The following SHISA8 variants were observed in gnomAD, a reference collection of about 807,000 sequenced individuals.
The protein encoded by SHISA8 is shisa family member 8.
A neutral mutation model predicts 21.1 loss-of-function variants in SHISA8; 21 were observed. The ratio of observed to expected loss-of-function variants is 0.99; its 90% confidence interval spans 0.71 to 1.43. The LOEUF (loss-of-function observed/expected upper bound fraction) is 1.43, where lower values mean the gene tolerates loss of function less well. Among genes scored for constraint, SHISA8 ranks in the 40% most tolerant of loss-of-function variants. The probability of loss-of-function intolerance (pLI) is 0.00; values close to 1 mark genes in which losing one functional copy is unlikely to be tolerated. For synonymous variants in SHISA8, 300 were observed against 291.4 expected, an observed-to-expected ratio of 1.03 and a Z score of -0.30; for missense variants, 535 against 599.1, an observed-to-expected ratio of 0.89 and a Z score of 1.12.
rs2077577248 is a variant in SHISA8 at position 41,914,813 on chromosome 22, C to G, written c.-146G>C. On this transcript the variant is annotated 5_prime_UTR_variant, in exon 1 of 4. Coordinates refer to ENST00000621082, the MANE Select transcript of SHISA8 (RefSeq NM_001207020.3). This position sits in a 1 kb window ranked among gnomAD's most constrained non-coding sequence, Gnocchi z 6.8. ...CGGCCTCCTCTGGGGACCCCAGCCC[C>G]GAGTGGGCTGGGTCTGGAGCTCCGA... 2 of 540,548 alleles carry G rather than the reference C, an allele frequency of 3.7e-6. No homozygotes were observed. The highest frequency in any genetic ancestry group is 8.0e-5 in the South Asian group (1 of 12,512). The allele number at this position is 540,548 out of a possible 1,614,324, so 33.5% of individuals were successfully genotyped here.
At chr22:41,911,561 G>A (rs910013001) in intron 1 of SHISA8, among the ~76,000 whole-genome samples, 3 of 152,128 alleles carry the variant, frequency 2.0e-5, no homozygotes, top group Non-Finnish European at 2.9e-5. Context: ...CCCAGAGCAG[G>A]TCAGGAAACT....
intron 1 of SHISA8, among the ~76,000 whole-genome samples, chr22:41,912,583 C>T (rs968334417): frequency 3.9e-5 from 6 of 152,150 alleles, no homozygotes; most frequent in African/African-American, 1.2e-4. Flanking sequence ...TTTCCAGATG[C>T]CCCGCCCAAG....
rs558138293 is a variant in SHISA8 at position 41,912,553 on chromosome 22, CT to C, written c.531-1205del. ...TGACAGCTGAGTAACCACCACGCCT[CT>C]GGGCCTTTGCACAAACTCTTTCCAG... On this transcript the variant is annotated intron_variant, in intron 1 of 3. Coordinates refer to ENST00000621082, the MANE Select transcript of SHISA8 (RefSeq NM_001207020.3). 7.9e-5 allele frequency among the ~76,000 whole-genome samples: 12 copies of C among 152,298 alleles called. No individual in the cohort carries two copies. The South Asian group carries it at 2.5e-3, about 32-fold the overall frequency.
In SHISA8 at chr22:41,914,552, C is replaced by T; in HGVS notation, c.116G>A (p.Gly39Glu). The change falls in exon 1 of 4, where the codon GGA (glycine) becomes GAA (glutamate). Residue 39 changes from glycine to glutamate, a missense_variant. By Grantham distance (98) the Gly-to-Glu change is moderately conservative. Transcript: ENST00000621082. The surrounding 1 kb of genome is among the most constrained non-coding windows in gnomAD (Gnocchi z 6.8). ...LLARPPSGRA[G>E]APEAQGPAAP... ...CGCGGGACCCTGCGCCTCGGGGGCT[C>T]CCGCGCGGCCCGACGGCGGCCGCGC... 1 of 1,188,482 alleles carries T rather than the reference C, an allele frequency of 8.4e-7. No homozygotes were observed. Among genetic ancestry groups the T allele is most frequent in the Non-Finnish European group, 1.0e-6 (1 of 960,682 alleles). 73.6% of individuals were successfully genotyped at this position (1,188,482 alleles called of 1,614,324 possible). A position where few individuals can be genotyped will look rare whatever the true frequency, so the allele number is the denominator to read the frequency against.
chr22:41,909,713 C>T lies in SHISA8; in HGVS notation c.*52G>A. On this transcript the variant is annotated 3_prime_UTR_variant, in exon 4 of 4. Transcript: ENST00000621082. Reference sequence around the variant, plus strand: ...CTCCTCTCCCTGTGGCCTGAGGCTCCGACGGGCAGACAGGACCCCAGCCCA... The same window carrying T: ...CTCCTCTCCCTGTGGCCTGAGGCTCTGACGGGCAGACAGGACCCCAGCCCA... 1 of 1,355,648 alleles carries T rather than the reference C, an allele frequency of 7.4e-7. No individual in the cohort carries two copies. The highest frequency in any genetic ancestry group is 9.5e-7 in the Non-Finnish European group (1 of 1,055,358). The allele number at this position is 1,355,648 out of a possible 1,614,324, so 84.0% of individuals were successfully genotyped here. A position where few individuals can be genotyped will look rare whatever the true frequency, so the allele number is the denominator to read the frequency against.
intron 1 of SHISA8, among the ~76,000 whole-genome samples, chr22:41,912,718 A>G (rs2077560570): frequency 6.6e-6 from 1 of 152,194 alleles, no homozygotes; most frequent in Non-Finnish European, 1.5e-5. Flanking sequence ...AGGTCTCCCC[A>G]GCAGAGAAAA....
In SHISA8 at chr22:41,909,770, C is replaced by A; in HGVS notation, c.1189G>T (p.Val397Leu). The A allele has an allele frequency of 6.8e-7, 1 of 1,464,410 alleles. No homozygotes were observed. Among genetic ancestry groups the A allele is most frequent in the South Asian group, 1.3e-5 (1 of 76,398 alleles). The allele number at this position is 1,464,410 out of a possible 1,614,324, so 90.7% of individuals were successfully genotyped here. The change falls in exon 4 of 4, where the codon GTG becomes TTG. Residue 397 changes from valine to leucine, a missense_variant. Coordinates refer to ENST00000621082, the MANE Select transcript of SHISA8 (RefSeq NM_001207020.3). Reference protein sequence around the residue: ...LRTNSKTEVTV With the variant: ...LRTNSKTEVTL The stretch of plus-strand genomic sequence containing the variant: ...GAGGGCACCGCGGCCCCGCTTCACA[C>A]GGTGACCTCGGTCTTGCTATTGGTC...
Position 41,910,674 on chromosome 22 carries a change from G to C in SHISA8, c.665-120C>G. On this transcript the variant is annotated intron_variant, in intron 2 of 3. Coordinates refer to ENST00000621082, the MANE Select transcript of SHISA8 (RefSeq NM_001207020.3). This position sits in a 1 kb window ranked among gnomAD's most constrained non-coding sequence, Gnocchi z 6.8. ...GTGAGAACCTGGGGGACCGTTCTCC[G>C]GGCGAGGCTGCGAGCCAAGCCTGTC... is the stretch of plus-strand genomic sequence containing the variant. 8.8e-6 allele frequency: 10 copies of C among 1,131,036 alleles called. No individual in the cohort carries two copies. The highest frequency in any genetic ancestry group is 1.1e-5 in the Non-Finnish European group (10 of 903,840). The allele number at this position is 1,131,036 out of a possible 1,614,324, so 70.1% of individuals were successfully genotyped here.
intron 1 of SHISA8, 114 bp from the exon 2 acceptor site, chr22:41,911,463 C>A (rs747728048): frequency 6.1e-6 from 7 of 1,140,668 alleles, no homozygotes; most frequent in African/African-American, 1.6e-5. Flanking sequence ...CTCTCCAGGC[C>A]GTCCTCTCCG....
Position 41,914,472 on chromosome 22 carries a change from C to G in SHISA8, c.196G>C (p.Val66Leu), listed in dbSNP as rs1490303933. ...GGDRCRGYYD[V>L]MGQWDPPFNC... Reference sequence around the variant, plus strand: ...AAGGGCGGGTCCCACTGGCCCATCACGTCGTAGTAGCCGCGGCAGCGGTCG... The same window carrying G: ...AAGGGCGGGTCCCACTGGCCCATCAGGTCGTAGTAGCCGCGGCAGCGGTCG... The change falls in exon 1 of 4, where the codon GTG becomes CTG. Residue 66 changes from valine to leucine, a missense_variant. Coordinates refer to ENST00000621082, the MANE Select transcript of SHISA8 (RefSeq NM_001207020.3). This position sits in a 1 kb window ranked among gnomAD's most constrained non-coding sequence, Gnocchi z 6.8. 2.3e-6 allele frequency: 3 copies of G among 1,322,642 alleles called. No homozygotes were observed. Among genetic ancestry groups the G allele is most frequent in the Non-Finnish European group, 1.9e-6 (2 of 1,032,614 alleles). 81.9% of individuals were successfully genotyped at this position (1,322,642 alleles called of 1,614,324 possible). A position where few individuals can be genotyped will look rare whatever the true frequency, so the allele number is the denominator to read the frequency against.
intron 1 of SHISA8, among the ~76,000 whole-genome samples, chr22:41,912,287 C>G (rs767129011): frequency 1.3e-5 from 2 of 152,228 alleles, no homozygotes; most frequent in Non-Finnish European, 2.9e-5. Flanking sequence ...AACCCGGAAC[C>G]CATGATTTTC....
rs1183346798 is a variant in SHISA8, at chr22:41,910,210, G to A, written c.812-63C>T. 3.3e-6 allele frequency: 4 copies of A among 1,228,372 alleles called. No individual in the cohort carries two copies. The Admixed American group carries it at 1.3e-4, about 40-fold the overall frequency. The allele number at this position is 1,228,372 out of a possible 1,614,324, so 76.1% of individuals were successfully genotyped here. A position where few individuals can be genotyped will look rare whatever the true frequency, so the allele number is the denominator to read the frequency against. On this transcript the variant is annotated intron_variant, in intron 3 of 3. Coordinates refer to ENST00000621082, the MANE Select transcript of SHISA8 (RefSeq NM_001207020.3). This position sits in a 1 kb window ranked among gnomAD's most constrained non-coding sequence, Gnocchi z 6.8. ...AGCACCCAAGCTCAGGACTGGACAA[G>A]GGGTCCCGGCCGGGGACTGGGACGG... is the stretch of plus-strand genomic sequence containing the variant.
chr22:41,910,222 G>A lies in SHISA8; in HGVS notation c.812-75C>T, dbSNP rs2077539365. On this transcript the variant is annotated intron_variant, in intron 3 of 3. Transcript: ENST00000621082. This position sits in a 1 kb window ranked among gnomAD's most constrained non-coding sequence, Gnocchi z 6.8. ...CAGGACTGGACAAGGGGTCCCGGCC[G>A]GGGACTGGGACGGGGACCGGGCCGG... 1.5e-5 allele frequency: 18 copies of A among 1,225,740 alleles called. No individual in the cohort carries two copies. The South Asian group carries it at 1.5e-4, about 10-fold the overall frequency. The allele number at this position is 1,225,740 out of a possible 1,614,324, so 75.9% of individuals were successfully genotyped here.
In SHISA8 at chr22:41,910,134, C is replaced by A. The variant is rs2077538756; in HGVS notation, c.825G>T (p.Arg275=). 6 of 1,237,416 alleles carry A rather than the reference C, an allele frequency of 4.8e-6. No individual in the cohort carries two copies. Among genetic ancestry groups the A allele is most frequent in the Non-Finnish European group, 6.0e-6 (6 of 993,616 alleles). The allele number at this position is 1,237,416 out of a possible 1,614,324, so 76.7% of individuals were successfully genotyped here. A position where few individuals can be genotyped will look rare whatever the true frequency, so the allele number is the denominator to read the frequency against. ...AALKAAEAAP[R]DFCQRFPALE... ...GGGCGGGGAAACGCTGACAGAAGTC[C>A]CGCGGGGCGGCCTCTGCGGGGACAG... is the stretch of plus-strand genomic sequence containing the variant. Residue 275 remains arginine, a synonymous_variant, in exon 4 of 4, where the codon CGG becomes CGT. Transcript: ENST00000621082. The surrounding 1 kb of genome is among the most constrained non-coding windows in gnomAD (Gnocchi z 6.8).
rs1177415899 is a variant in SHISA8, at chr22:41,914,167, G to A, written c.501C>T (p.His167=). ...TCACTGTGCGCCGCGCGCGCGGGCT[G>A]TGCGCCCTCTCCAGTCCCAGGCGCG... is the stretch of plus-strand genomic sequence containing the variant. ...IGARLGLERA[H]SPRARRTVTR... is the part of the protein sequence containing the mutation. Residue 167 remains histidine (H), a synonymous_variant, in exon 1 of 4, where the codon CAC becomes CAT. Transcript: ENST00000621082. This position sits in a 1 kb window ranked among gnomAD's most constrained non-coding sequence, Gnocchi z 6.8. The A allele has an allele frequency of 1.6e-5, 23 of 1,455,686 alleles. No homozygotes were observed. In the South Asian group the frequency reaches 3.1e-4, roughly 20 times the overall value. The allele number at this position is 1,455,686 out of a possible 1,614,324, so 90.2% of individuals were successfully genotyped here. A position where few individuals can be genotyped will look rare whatever the true frequency, so the allele number is the denominator to read the frequency against.
chr22:41,911,279 C>A lies in SHISA8; in HGVS notation c.601G>T (p.Gly201Cys). The A allele has an allele frequency of 7.9e-7, 1 of 1,259,030 alleles. No individual in the cohort carries two copies. The highest frequency in any genetic ancestry group is 1.0e-6 in the Non-Finnish European group (1 of 1,001,866). 78.0% of individuals were successfully genotyped at this position (1,259,030 alleles called of 1,614,324 possible). A position where few individuals can be genotyped will look rare whatever the true frequency, so the allele number is the denominator to read the frequency against. Residue 201 changes from glycine (G) to cysteine (C), a missense_variant, in exon 2 of 4, where the codon GGT (glycine) becomes TGT (cysteine). Gly to Cys is a radical substitution (Grantham distance 159). Coordinates refer to ENST00000621082, the MANE Select transcript of SHISA8 (RefSeq NM_001207020.3). ...CCCATCTGCACCTGGACACAGCCAC[C>A]CAGGGGTGGGCCCAGGGTGGGAGGC... is the stretch of plus-strand genomic sequence containing the variant. ...PLPPTLGPPL[G>C]GCVQVQMGDG...
In SHISA8 at chr22:41,910,136, G is replaced by A; in HGVS notation, c.823C>T (p.Arg275Trp). The A allele has an allele frequency of 8.1e-7, 1 of 1,237,732 alleles. No homozygotes were observed. Among genetic ancestry groups the A allele is most frequent in the South Asian group, 3.9e-5 (1 of 25,426 alleles). The allele number at this position is 1,237,732 out of a possible 1,614,324, so 76.7% of individuals were successfully genotyped here. ...AALKAAEAAP[R>W]DFCQRFPALE... Reference sequence around the variant, plus strand: ...GCGGGGAAACGCTGACAGAAGTCCCGCGGGGCGGCCTCTGCGGGGACAGGG... The same window carrying A: ...GCGGGGAAACGCTGACAGAAGTCCCACGGGGCGGCCTCTGCGGGGACAGGG... Residue 275 changes from arginine (R) to tryptophan (W), a missense_variant, in exon 4 of 4, where the codon CGG (arginine) becomes TGG (tryptophan). Coordinates refer to ENST00000621082, the MANE Select transcript of SHISA8 (RefSeq NM_001207020.3). This position sits in a 1 kb window ranked among gnomAD's most constrained non-coding sequence, Gnocchi z 6.8.
Position 41,914,355 on chromosome 22 carries a change from G to A in SHISA8, c.313C>T (p.Arg105Cys). The stretch of plus-strand genomic sequence containing the variant: ...GCCGGCGTGTCGTAGTTGGAACAGC[G>A]GCTCTGGTCGAGGCGCCGCGGCCCG... ...HDGPRRLDQS[R>C]CSNYDTPAWV... Residue 105 changes from arginine (R) to cysteine (C), a missense_variant, in exon 1 of 4, where the codon CGC becomes TGC. By Grantham distance (180) the Arg-to-Cys change is radical. Coordinates refer to ENST00000621082, the MANE Select transcript of SHISA8 (RefSeq NM_001207020.3). The surrounding 1 kb of genome is among the most constrained non-coding windows in gnomAD (Gnocchi z 6.8). 2.4e-6 allele frequency: 3 copies of A among 1,255,202 alleles called. No individual in the cohort carries two copies. Among genetic ancestry groups the A allele is most frequent in the Non-Finnish European group, 3.0e-6 (3 of 998,482 alleles). The allele number at this position is 1,255,202 out of a possible 1,614,324, so 77.8% of individuals were successfully genotyped here.
chr22:41,911,157 G>A, intron 2 of SHISA8, 59 bp downstream of exon 2: 1 of 1,251,832 alleles, frequency 8.0e-7, no homozygotes, highest in Non-Finnish European at 1.0e-6. Flanking sequence ...CCGCCTCTCG[G>A]CCTCTCACGC....
Sources: allele counts gnomAD v4.1 joint callset (sites outside exome capture counted in the v4.1 genomes callset), GRCh38; gene constraint gnomAD v4.1.1; non-coding constraint Gnocchi (gnomAD v3.1); transcripts MANE v1.5; gene names NCBI Gene and HGNC (gene_info 2026-07-23, HGNC 2026-07-21).